Variants in ZBBX observed in about 807,000 individuals in gnomAD.
ZBBX encodes the protein zinc finger B-box domain containing.
In ZBBX, 101 loss-of-function variants were observed where a neutral mutation model predicts 108.5. That is an observed-to-expected ratio of 0.93 (90% CI 0.79 to 1.10). The LOEUF is 1.10. ZBBX is among the 50% of genes least tolerant of loss of function. The pLI, the probability that ZBBX is intolerant of heterozygous loss-of-function variation, is 0.00. For missense variants in ZBBX, 1,009 were observed against 941.4 expected (o/e 1.07, Z -0.94); for synonymous variants, 356 against 323.4 (o/e 1.10, Z -1.08).
chr3:167,318,962 G>C (rs76138944), intron 12 of ZBBX, among the ~76,000 whole-genome samples: 69 of 152,030 alleles, frequency 4.5e-4, no homozygotes, highest in African/African-American at 1.6e-3. Flanking sequence ...CCAAGTGTTG[G>C]CAGGGATTTG....
intron 20 of ZBBX, among the ~76,000 whole-genome samples, chr3:167,243,186 A>G (rs887483349): frequency 1.3e-5 from 2 of 152,240 alleles, no homozygotes; most frequent in Non-Finnish European, 2.9e-5. Flanking sequence ...CTAGCTAAGG[A>G]CAAATACTGC....
chr3:167,208,005 AGG>A, the ZBBX span, among the ~76,000 whole-genome samples: 4 of 152,182 alleles, frequency 2.6e-5, no homozygotes, highest in East Asian at 7.7e-4. Flanking sequence ...CATTTGGGGG[AGG>A]GAGAGTACAG....
the ZBBX span, among the ~76,000 whole-genome samples, chr3:167,198,811 C>T: frequency 6.6e-6 from 1 of 152,058 alleles, no homozygotes; most frequent in Non-Finnish European, 1.5e-5. Flanking sequence ...TATCAGGTAT[C>T]CAAGGATTAT....
At chr3:167,368,114 T>C (rs1041682116) in intron 5 of ZBBX, among the ~76,000 whole-genome samples, 35 of 151,308 alleles carry the variant, frequency 2.3e-4, no homozygotes, top group African/African-American at 8.2e-4. Flanking sequence ...TTATTTGTTA[T>C]TGATGGCAAT....
intron 10 of ZBBX, among the ~76,000 whole-genome samples, chr3:167,331,144 C>A (rs750661867): frequency 8.0e-5 from 12 of 150,716 alleles, no homozygotes; most frequent in Non-Finnish European, 1.8e-4. Flanking sequence ...TTGTTTAAAC[C>A]GCTCAGTTGG....
intron 20 of ZBBX, among the ~76,000 whole-genome samples, chr3:167,270,960 GA>G: frequency 6.6e-6 from 1 of 152,338 alleles, no homozygotes; most frequent in East Asian, 1.9e-4. Context: ...AAAACAGGAT[GA>G]CACTTATTCA....
chr3:167,287,666 T>C (rs1016260442), intron 19 of ZBBX, among the ~76,000 whole-genome samples: 15 of 152,148 alleles, frequency 9.9e-5, no homozygotes, highest in African/African-American at 3.4e-4. Context: ...AAATTTCTCA[T>C]AGCACGTATA....
chr3:167,277,138 T>A (rs1727746490), intron 20 of ZBBX, among the ~76,000 whole-genome samples: 1 of 151,470 alleles, frequency 6.6e-6, no homozygotes, highest in Non-Finnish European at 1.5e-5. Context: ...TGCTGCAAAA[T>A]CATGCTAAAA....
intron 1 of ZBBX, among the ~76,000 whole-genome samples, chr3:167,391,659 A>G (rs1038311390): frequency 6.6e-6 from 1 of 151,646 alleles, no homozygotes; most frequent in Admixed American, 6.6e-5. Context: ...TTTTTGGAAC[A>G]TGATTGACTT....
chr3:167,222,722 T>A, the ZBBX span, among the ~76,000 whole-genome samples: 3 of 151,844 alleles, frequency 2.0e-5, no homozygotes, highest in South Asian at 6.2e-4. Context: ...AATTTAAAAT[T>A]TTAAAAATAA....
At chr3:167,204,703 C>T in the ZBBX span, among the ~76,000 whole-genome samples, 9 of 151,012 alleles carry the variant, frequency 6.0e-5, no homozygotes, top group African/African-American at 1.7e-4. Context: ...AATAAACATA[C>T]GTGTGCATGT....
At chr3:167,191,825 T>C in the ZBBX span, among the ~76,000 whole-genome samples, 6 of 149,348 alleles carry the variant, frequency 4.0e-5, no homozygotes, top group Non-Finnish European at 5.9e-5. Context: ...TCTCTAGTAG[T>C]ACGCTTTACT....
At chr3:167,313,141 A>G (rs1734876724) in intron 16 of ZBBX, among the ~76,000 whole-genome samples, 3 of 152,178 alleles carry the variant, frequency 2.0e-5, no homozygotes, top group Non-Finnish European at 4.4e-5. Context: ...AGGCCAGGAT[A>G]CTTTGCTGTG....
chr3:167,356,776 T>C (rs1003813751), intron 8 of ZBBX, among the ~76,000 whole-genome samples: 6 of 152,144 alleles, frequency 3.9e-5, no homozygotes, highest in African/African-American at 1.4e-4. Flanking sequence ...GAAGTTTACA[T>C]TGCAGATAAG....
intron 1 of ZBBX, among the ~76,000 whole-genome samples, chr3:167,389,504 T>A (rs1748025421): frequency 6.6e-6 from 1 of 152,142 alleles, no homozygotes; most frequent in Admixed American, 6.5e-5. Flanking sequence ...AGTAATGGGA[T>A]TGCTGGGTCA....
At chr3:167,228,670 T>C in the ZBBX span, among the ~76,000 whole-genome samples, 1 of 151,838 alleles carries the variant, frequency 6.6e-6, no homozygotes, top group Non-Finnish European at 1.5e-5. Flanking sequence ...AAAGTATTTA[T>C]CTGTGTTGAA....
At chr3:167,181,885 G>T in the ZBBX span, among the ~76,000 whole-genome samples, 1 of 152,180 alleles carries the variant, frequency 6.6e-6, no homozygotes, top group African/African-American at 2.4e-5. Flanking sequence ...TTTTGTAGGG[G>T]TTCCCCAGGC....
intron 17 of ZBBX, among the ~76,000 whole-genome samples, chr3:167,300,900 G>T (rs1732542778): frequency 6.7e-6 from 1 of 148,656 alleles, no homozygotes; most frequent in Admixed American, 6.7e-5. Flanking sequence ...ACAGGCGTGA[G>T]CCACTGTGCC....
the ZBBX span, among the ~76,000 whole-genome samples, chr3:167,192,132 G>A: frequency 0.021 from 3,185 of 151,768 alleles, 40 homozygotes; most frequent in African/African-American, 0.025. Context: ...TTTTAGTTAT[G>A]AGTGGATTGC....
Sources: allele counts gnomAD v4.1 joint callset (sites outside exome capture counted in the v4.1 genomes callset), GRCh38; gene constraint gnomAD v4.1.1; transcripts MANE v1.5; gene names NCBI Gene and HGNC (gene_info 2026-07-23, HGNC 2026-07-21).